Variants in MAN1A1 observed in about 807,000 individuals in gnomAD.
MAN1A1 encodes mannosyl-oligosaccharide 1,2-alpha-mannosidase IA.
A neutral mutation model predicts 70.8 loss-of-function variants in MAN1A1; 29 were observed. The ratio of observed to expected loss-of-function variants is 0.41; its 90% CI spans 0.31 to 0.56. The LOEUF (loss-of-function observed/expected upper bound fraction) is 0.56. Among genes scored for constraint, MAN1A1 ranks in the 20% least tolerant of loss-of-function variants. The pLI is 0.29. For synonymous variants in MAN1A1, 349 were observed against 330.1 expected (o/e 1.06, Z -0.62); for missense variants, 747 against 841.3 (o/e 0.89, Z 1.39).
intron 3 of MAN1A1, among the ~76,000 whole-genome samples, chr6:119,304,792 A>G (rs1190813680): frequency 6.6e-6 from 1 of 152,190 alleles, no homozygotes; most frequent in Non-Finnish European, 1.5e-5. Context: ...TCAAGACTCA[A>G]AATAACTTAG....
chr6:119,177,432 C>T lies in MAN1A1; in HGVS notation c.*2387G>A, dbSNP rs1488603626. ...GTTCTGTAAACTGCCATACAACTTA[C>T]ATGTGTAATATTAATTGCACAAAGT... On this transcript the variant is annotated 3_prime_UTR_variant, in exon 13 of 13. Transcript: ENST00000368468. 1 of 152,036 alleles carries T rather than the reference C, an allele frequency of 6.6e-6. No homozygotes were observed. Among genetic ancestry groups the T allele is most frequent in the Non-Finnish European group, 1.5e-5 (1 of 67,932 alleles). 9.4% of individuals were successfully genotyped at this position (152,036 alleles called of 1,614,324 possible).
At chr6:119,230,651 A>G (rs537561468) in intron 6 of MAN1A1, among the ~76,000 whole-genome samples, 1 of 152,322 alleles carries the variant, frequency 6.6e-6, no homozygotes, top group East Asian at 1.9e-4. Flanking sequence ...CCTAGACTAT[A>G]AACTCTGTGA....
intron 6 of MAN1A1, among the ~76,000 whole-genome samples, chr6:119,217,742 CTG>C: frequency 6.6e-6 from 1 of 152,280 alleles, no homozygotes; most frequent in East Asian, 1.9e-4. Context: ...AAATCTAACA[CTG>C]TATCCCTACC....
rs147689175 is a variant in MAN1A1 at position 119,283,254 on chromosome 6, T to C, written c.897+7429A>G. ...GCTAGTTGCTTATTTATATTATCCA[T>C]GTACAGATTTTACTTTAAAAGTCAC... On this transcript the variant is annotated intron_variant, in intron 5 of 12. Transcript: ENST00000368468. Among the ~76,000 whole-genome samples the C allele has an allele frequency of 1.7e-3, 263 of 152,350 alleles. 1 individual carries two copies. The highest frequency in any genetic ancestry group is 6.1e-3 in the African/African-American group (252 of 41,588).
At chr6:119,337,717 T>G (rs940679875) in intron 2 of MAN1A1, among the ~76,000 whole-genome samples, 9 of 152,228 alleles carry the variant, frequency 5.9e-5, no homozygotes. Context: ...CTTTCAACAG[T>G]AGTTAATAAA....
chr6:119,218,631 T>C (rs371477963), intron 6 of MAN1A1, among the ~76,000 whole-genome samples: 10 of 152,196 alleles, frequency 6.6e-5, no homozygotes, highest in African/African-American at 1.2e-4. Context: ...TGTTGTCTCA[T>C]GTCTGCATGG....
chr6:119,212,928 G>T (rs1774093819), intron 6 of MAN1A1, among the ~76,000 whole-genome samples: 1 of 152,108 alleles, frequency 6.6e-6, no homozygotes, highest in Non-Finnish European at 1.5e-5. Flanking sequence ...TTTAAGGCAG[G>T]ATCAGTAAAA....
At chr6:119,319,226 T>C (rs908618071) in intron 2 of MAN1A1, among the ~76,000 whole-genome samples, 1 of 152,108 alleles carries the variant, frequency 6.6e-6, no homozygotes, top group Non-Finnish European at 1.5e-5. Flanking sequence ...ATATTTTCTA[T>C]GGACTGAAGA....
intron 6 of MAN1A1, among the ~76,000 whole-genome samples, chr6:119,228,080 A>C (rs7357048): frequency 6.6e-6 from 1 of 152,000 alleles, no homozygotes; most frequent in African/African-American, 2.4e-5. Flanking sequence ...CCTAGTTCTT[A>C]GTTTAACATA....
chr6:119,180,484 AT>A, intron 11 of MAN1A1, 57 bp from the exon 12 acceptor site: 1 of 890,940 alleles, frequency 1.1e-6, no homozygotes, highest in Non-Finnish European at 1.8e-6. Context: ...ATTGTCACTA[AT>A]TTTTATTATT....
intron 2 of MAN1A1, among the ~76,000 whole-genome samples, chr6:119,309,280 A>G (rs1772636022): frequency 6.6e-6 from 1 of 152,238 alleles, no homozygotes; most frequent in Non-Finnish European, 1.5e-5. Context: ...GCATAGAATA[A>G]CTATAAGCTT....
rs1357448043 is a variant in MAN1A1 at position 119,204,799 on chromosome 6, T to G, written c.1076A>C (p.His359Pro). ...GGGGTTTCCTGATAAGTGGCTCAAG[T>G]GCATAAACTCCAAATGCAGGGTTCC... is the stretch of plus-strand genomic sequence containing the variant. ...EFGTLHLEFM[H>P]LSHLSGNPIF... Residue 359 changes from histidine to proline, a missense_variant, in exon 7 of 13, where the codon CAC becomes CCC. Physicochemically the swap from His to Pro is moderately conservative, Grantham distance 77 (BLOSUM62 -2). Coordinates refer to ENST00000368468, the MANE Select transcript of MAN1A1 (RefSeq NM_005907.4). The G allele has an allele frequency of 1.9e-6, 3 of 1,614,026 alleles. No homozygotes were observed. In the Admixed American group the frequency reaches 5.0e-5, roughly 27 times the overall value.
At chr6:119,216,141 C>T (rs1032726265) in intron 6 of MAN1A1, among the ~76,000 whole-genome samples, 5 of 152,176 alleles carry the variant, frequency 3.3e-5, no homozygotes, top group African/African-American at 1.2e-4. Context: ...CACAGGGACA[C>T]TAGGCCAGAT....
At chr6:119,194,003 T>C in intron 8 of MAN1A1, 111 bp from the exon 9 acceptor site, 1 of 612,752 alleles carries the variant, frequency 1.6e-6, no homozygotes, top group East Asian at 2.8e-5. Context: ...CAAGTCACTG[T>C]TACATTTAAA....
At chr6:119,337,770 G>A (rs1159998677) in intron 2 of MAN1A1, among the ~76,000 whole-genome samples, 1 of 152,094 alleles carries the variant, frequency 6.6e-6, no homozygotes, top group Non-Finnish European at 1.5e-5. Flanking sequence ...CACCTTTAAA[G>A]CTACTGAGTT....
At chr6:119,300,193 T>C (rs889971552) in intron 4 of MAN1A1, among the ~76,000 whole-genome samples, 9 of 152,020 alleles carry the variant, frequency 5.9e-5, no homozygotes, top group African/African-American at 1.9e-4. Flanking sequence ...AGCCTGCAGG[T>C]TTTTGAAGGT....
At chr6:119,192,610 C>T (rs1773470182) in intron 9 of MAN1A1, among the ~76,000 whole-genome samples, 1 of 152,080 alleles carries the variant, frequency 6.6e-6, no homozygotes, top group Admixed American at 6.6e-5. Flanking sequence ...TACAAATTTC[C>T]ATTTTTTTCC....
intron 6 of MAN1A1, among the ~76,000 whole-genome samples, chr6:119,240,624 T>TGTTCAGGCATCCTGAG (rs1240831007): frequency 6.6e-6 from 1 of 152,198 alleles, no homozygotes; most frequent in Non-Finnish European, 1.5e-5. Context: ...GAAAGGAAAC[T>TGTTCAGGCATCCTGAG]GTTCAGGCAT....
At chr6:119,320,876 C>T (rs781175401) in intron 2 of MAN1A1, among the ~76,000 whole-genome samples, 31 of 151,932 alleles carry the variant, frequency 2.0e-4, no homozygotes, top group Admixed American at 2.6e-4. Context: ...ACTGAATTAC[C>T]CCAATAATTA....
Sources: allele counts gnomAD v4.1 joint callset (sites outside exome capture counted in the v4.1 genomes callset), GRCh38; gene constraint gnomAD v4.1.1; transcripts MANE v1.5; gene names NCBI Gene and HGNC (gene_info 2026-07-23, HGNC 2026-07-21).